Variants in CCDC13 observed in about 807,000 individuals in gnomAD.
The protein encoded by CCDC13 is coiled-coil domain containing 13.
A neutral mutation model predicts 87.3 loss-of-function variants in CCDC13; 70 were observed. The observed-to-expected ratio is 0.80, with a 90% confidence interval of 0.66 to 0.98. CCDC13 has a LOEUF of 0.98. CCDC13 is among the 50% of genes least tolerant of loss of function. The pLI, the probability that CCDC13 is intolerant of heterozygous loss-of-function variation, is 0.00. For missense variants in CCDC13, 842 were observed against 892.0 expected (o/e 0.94, Z 0.71); for synonymous variants, 317 against 360.3 (o/e 0.88, Z 1.36).
At chr3:42,743,600 T>TATATATATATACACAC in intron 7 of CCDC13, among the ~76,000 whole-genome samples, 1 of 125,796 alleles carries the variant, frequency 7.9e-6, no homozygotes, top group African/African-American at 3.6e-5. Context: ...TATATATATA[T>TATATATATATACACAC]ACACACACAC....
intron 8 of CCDC13, 26 bp downstream of exon 8, chr3:42,742,870 A>G (rs774329408): frequency 6.2e-7 from 1 of 1,612,864 alleles, no homozygotes; most frequent in Admixed American, 1.7e-5. Context: ...CCACATGCCC[A>G]GCTGACCTCC....
intron 8 of CCDC13, among the ~76,000 whole-genome samples, 194 bp downstream of exon 8, chr3:42,742,702 G>A (rs1159534189): frequency 1.3e-5 from 2 of 152,262 alleles, no homozygotes; most frequent in African/African-American, 4.8e-5. Flanking sequence ...GGCTCACAGT[G>A]AGGTCCCAGT....
chr3:42,770,102 C>A (rs557582978), intron 1 of CCDC13, among the ~76,000 whole-genome samples: 2 of 152,384 alleles, frequency 1.3e-5, no homozygotes, highest in East Asian at 3.9e-4. Flanking sequence ...GGTGCAGGAT[C>A]CACTGGGTGA....
chr3:42,765,078 C>G (rs1004051094), intron 1 of CCDC13, among the ~76,000 whole-genome samples: 4 of 152,188 alleles, frequency 2.6e-5, no homozygotes, highest in Non-Finnish European at 4.4e-5. Flanking sequence ...GGAACTGGTA[C>G]TCATTGAATG....
chr3:42,731,812 G>A (rs1698839981), intron 12 of CCDC13, among the ~76,000 whole-genome samples: 1 of 152,190 alleles, frequency 6.6e-6, no homozygotes, highest in African/African-American at 2.4e-5. Flanking sequence ...CCTGTCACCT[G>A]TGGGAGGGGA....
intron 5 of CCDC13, 112 bp from the exon 6 acceptor site, chr3:42,747,485 T>C (rs541433565): frequency 3.9e-6 from 3 of 766,692 alleles, no homozygotes; most frequent in African/African-American, 1.7e-5. Context: ...GTGTTTGACA[T>C]GGAAGAACTC....
intron 5 of CCDC13, chr3:42,750,077 C>A (rs1052089420): frequency 1.6e-5 from 6 of 374,934 alleles, no homozygotes; most frequent in African/African-American, 8.4e-5. Context: ...GAACCTGGAA[C>A]CTCCCAGGCT....
intron 13 of CCDC13, among the ~76,000 whole-genome samples, chr3:42,720,572 C>T (rs192306472): frequency 4.6e-5 from 7 of 152,204 alleles, no homozygotes; most frequent in East Asian, 3.9e-4. Context: ...GTTTTACATG[C>T]GAGGTGTGTA....
Position 42,733,582 on chromosome 3 carries a change from C to T in CCDC13, c.1399G>A (p.Gly467Arg). The T allele has an allele frequency of 5.6e-6, 9 of 1,611,782 alleles. No homozygotes were observed. Among genetic ancestry groups the T allele is most frequent in the Non-Finnish European group, 6.8e-6 (8 of 1,178,944 alleles). ...GGGCTGACCTCGCGGCCACTGGACC[C>T]CTCACCCACTCCTTTATTCCGAAGA... The part of the protein sequence containing the change: ...HYLRNKGVGE[G>R]SSGREVSPAY... The change falls in exon 11 of 16, where the codon GGG becomes AGG. Residue 467 changes from glycine (G) to arginine (R), a missense_variant. Transcript: ENST00000310232.
chr3:42,757,263 T>C (rs1177750710), intron 2 of CCDC13, 49 bp from the exon 3 acceptor site: 2 of 1,586,384 alleles, frequency 1.3e-6, no homozygotes, highest in Admixed American at 1.8e-5. Context: ...AAGGCCCTGG[T>C]GGGCAGGGGT....
intron 1 of CCDC13, among the ~76,000 whole-genome samples, chr3:42,770,121 G>A (rs573828968): frequency 6.6e-6 from 1 of 152,376 alleles, no homozygotes; most frequent in East Asian, 1.9e-4. Flanking sequence ...GAACCTAGCT[G>A]GGCTCCTGAG....
chr3:42,751,970 T>C lies in CCDC13; in HGVS notation c.569A>G (p.Lys190Arg), dbSNP rs1699592971. The C allele has an allele frequency of 6.2e-7, 1 of 1,611,528 alleles. No individual in the cohort carries two copies. The highest frequency in any genetic ancestry group is 1.1e-5 in the South Asian group (1 of 91,090). The change falls in exon 5 of 16, where the codon AAG (lysine) becomes AGG (arginine). Residue 190 changes from lysine (K) to arginine (R), a missense_variant. Coordinates refer to ENST00000310232, the MANE Select transcript of CCDC13 (RefSeq NM_144719.4). The part of the protein sequence containing the change: ...SAKGATDAGA[K>R]PPRAQMGDRA... ...GTCTCCCATCTGGGCCCTCGGTGGC[T>C]TGGCTCCTGCGTCGGTGGCCCCCTT... is the stretch of plus-strand genomic sequence containing the variant.
chr3:42,713,155 C>G lies in CCDC13; in HGVS notation c.1873+7G>C. The G allele has an allele frequency of 6.2e-7, 1 of 1,613,138 alleles. No individual in the cohort carries two copies. The highest frequency in any genetic ancestry group is 8.5e-7 in the Non-Finnish European group (1 of 1,179,522). On this transcript the variant is annotated splice_region_variant and intron_variant, in intron 14 of 15. Transcript: ENST00000310232. ...CCCTGCACTGAGACTACTGCCCTGGCCCCTACCTGTTTTGGTCCTGGGAGC... is the reference window on the plus strand; with the variant it reads ...CCCTGCACTGAGACTACTGCCCTGGGCCCTACCTGTTTTGGTCCTGGGAGC...
At chr3:42,766,018 G>A (rs969821371) in intron 1 of CCDC13, among the ~76,000 whole-genome samples, 11 of 152,328 alleles carry the variant, frequency 7.2e-5, no homozygotes, top group African/African-American at 2.6e-4. Flanking sequence ...GGGAAGCCAT[G>A]TGGGCCTAAA....
rs143310118 is a variant in CCDC13, at chr3:42,742,960, G to A, written c.923C>T (p.Ser308Leu). The A allele has an allele frequency of 6.0e-4, 974 of 1,614,072 alleles. 15 individuals are homozygous for A. In the East Asian group the frequency reaches 0.018, roughly 30 times the overall value. Reference protein sequence around the residue: ...LSVYPDPRKLSAQEKNLLRIR... With the variant: ...LSVYPDPRKLLAQEKNLLRIR... Reference sequence around the variant, plus strand: ...CCTCAGCAGGTTTTTCTCCTGTGCCGACAGCTTCCTTGGGTCTGGATAGAC... The same window carrying A: ...CCTCAGCAGGTTTTTCTCCTGTGCCAACAGCTTCCTTGGGTCTGGATAGAC... The change falls in exon 8 of 16, where the codon TCG (serine) becomes TTG (leucine). Residue 308 changes from serine (S) to leucine (L), a missense_variant. By Grantham distance (145) the Ser-to-Leu change is moderately radical. Transcript: ENST00000310232.
intron 4 of CCDC13, 63 bp from the exon 5 acceptor site, chr3:42,752,088 T>C (rs1294617062): frequency 1.1e-5 from 15 of 1,412,558 alleles, no homozygotes; most frequent in Non-Finnish European, 1.5e-5. Flanking sequence ...AGGAAAGCAC[T>C]CTGGTGCCAT....
chr3:42,747,499 T>A, intron 5 of CCDC13, 126 bp from the exon 6 acceptor site: 1 of 705,160 alleles, frequency 1.4e-6, no homozygotes, highest in Non-Finnish European at 2.5e-6. Flanking sequence ...AGAACTCATT[T>A]AATCCTCATA....
chr3:42,769,674 G>T (rs1480218978), intron 1 of CCDC13, among the ~76,000 whole-genome samples: 2 of 152,262 alleles, frequency 1.3e-5, no homozygotes, highest in Admixed American at 1.3e-4. Context: ...GCTGGCCAAG[G>T]CCGGAGCTGG....
chr3:42,719,545 A>G (rs1015611865), intron 13 of CCDC13: 1 of 152,114 alleles, frequency 6.6e-6, no homozygotes, highest in African/African-American at 2.4e-5. Context: ...GTTTTTCTGT[A>G]TTGTTCCATC....
Sources: allele counts gnomAD v4.1 joint callset (sites outside exome capture counted in the v4.1 genomes callset), GRCh38; gene constraint gnomAD v4.1.1; transcripts MANE v1.5; gene names NCBI Gene and HGNC (gene_info 2026-07-23, HGNC 2026-07-21).